Variants in PLEKHA5 observed in about 807,000 individuals in gnomAD.
PLEKHA5 encodes the protein pleckstrin homology domain-containing family A member 5.
PLEKHA5 carries 55 observed loss-of-function variants against 181.9 expected under a neutral mutation model. That is an observed-to-expected ratio of 0.30 (90% CI 0.24 to 0.38). PLEKHA5 has a LOEUF of 0.38. PLEKHA5 is among the 10% of genes least tolerant of loss of function. The pLI is 1.00. For missense variants in PLEKHA5, 1,432 were observed against 1,549.5 expected (o/e 0.92, Z 1.27); for synonymous variants, 535 against 529.4 (o/e 1.01, Z -0.15).
At chr12:19,354,191 G>C in intron 26 of PLEKHA5, among the ~76,000 whole-genome samples, 189 bp downstream of exon 26, 1 of 105,208 alleles carries the variant, frequency 9.5e-6, no homozygotes, top group South Asian at 3.3e-4. Context: ...TCGCTCTGTC[G>C]CCCAGGCTGG....
intron 7 of PLEKHA5, among the ~76,000 whole-genome samples, chr12:19,264,714 G>A (rs2069717309): frequency 1.3e-5 from 2 of 152,072 alleles, no homozygotes; most frequent in African/African-American, 2.4e-5. Flanking sequence ...CCTTCTGGAT[G>A]TTTCACCAGA....
At chr12:19,161,372 C>A (rs553764750) in intron 3 of PLEKHA5, among the ~76,000 whole-genome samples, 1 of 152,254 alleles carries the variant, frequency 6.6e-6, no homozygotes, top group African/African-American at 2.4e-5. Flanking sequence ...CATAAAACTT[C>A]TATCTGAATT....
chr12:19,339,562 A>G (rs539597996), intron 21 of PLEKHA5, among the ~76,000 whole-genome samples: 4 of 152,214 alleles, frequency 2.6e-5, no homozygotes, highest in Non-Finnish European at 5.9e-5. Context: ...ACATTATCAC[A>G]ATGAAAATTC....
At chr12:19,373,827 A>T (rs1307684208) in intron 31 of PLEKHA5, among the ~76,000 whole-genome samples, 1 of 152,234 alleles carries the variant, frequency 6.6e-6, no homozygotes. Flanking sequence ...TAATATTTTG[A>T]TTCAATAAAC....
intron 23 of PLEKHA5, among the ~76,000 whole-genome samples, chr12:19,346,765 G>T (rs2094353489): frequency 6.6e-6 from 1 of 152,122 alleles, no homozygotes; most frequent in South Asian, 2.1e-4. Flanking sequence ...TCAGTGTGAA[G>T]CTAACCTATA....
chr12:19,217,184 A>G (rs1479571097), intron 3 of PLEKHA5, among the ~76,000 whole-genome samples: 1 of 152,230 alleles, frequency 6.6e-6, no homozygotes, highest in Non-Finnish European at 1.5e-5. Flanking sequence ...TTTTTCAGTC[A>G]TGCAACAAAT....
chr12:19,137,408 G>T (rs558495010), intron 3 of PLEKHA5, among the ~76,000 whole-genome samples: 1 of 152,118 alleles, frequency 6.6e-6, no homozygotes, highest in Non-Finnish European at 1.5e-5. Context: ...CACTTTGTGG[G>T]CATTATATTT....
In PLEKHA5 at chr12:19,161,668, G is replaced by A. The variant is rs117720275; in HGVS notation, c.227+29218G>A. Among the ~76,000 whole-genome samples the A allele has an allele frequency of 5.3e-5, 8 of 152,200 alleles. No individual in the cohort carries two copies. In the East Asian group the frequency reaches 1.4e-3, roughly 26 times the overall value. ...ATTTTGCTCAAAGTAAAAACCAAAC[G>A]TCTATAGATTTAAAATAGGACTTTA... is the stretch of plus-strand genomic sequence containing the variant. On this transcript the variant is annotated intron_variant, in intron 3 of 31. Coordinates refer to ENST00000429027, the MANE Select transcript of PLEKHA5 (RefSeq NM_001256470.2).
intron 20 of PLEKHA5, among the ~76,000 whole-genome samples, chr12:19,336,021 T>TA (rs2093401795): frequency 6.6e-6 from 1 of 152,178 alleles, no homozygotes; most frequent in Non-Finnish European, 1.5e-5. Context: ...TTCTCTGTGA[T>TA]ATTATTGGTT....
chr12:19,328,028 T>A (rs940014574), intron 20 of PLEKHA5, among the ~76,000 whole-genome samples: 1 of 152,194 alleles, frequency 6.6e-6, no homozygotes, highest in Non-Finnish European at 1.5e-5. Flanking sequence ...AAGTAACGGG[T>A]CAGTTTCATT....
chr12:19,265,438 T>C (rs1190751123), intron 7 of PLEKHA5, among the ~76,000 whole-genome samples: 1 of 152,168 alleles, frequency 6.6e-6, no homozygotes, highest in African/African-American at 2.4e-5. Flanking sequence ...AGCCATGTAT[T>C]TGTCTGGGGA....
intron 3 of PLEKHA5, among the ~76,000 whole-genome samples, chr12:19,240,289 G>A (rs919571387): frequency 5.3e-5 from 8 of 152,216 alleles, no homozygotes; most frequent in South Asian, 2.1e-4. Flanking sequence ...TTATAATTTG[G>A]TTAACTTTCT....
intron 25 of PLEKHA5, among the ~76,000 whole-genome samples, chr12:19,350,955 C>CTTTTTTTT (rs35006570): frequency 8.9e-6 from 1 of 112,542 alleles, no homozygotes; most frequent in Non-Finnish European, 1.8e-5. Flanking sequence ...TATTCAAAGT[C>CTTTTTTTT]TTTTTTTTTT....
intron 3 of PLEKHA5, among the ~76,000 whole-genome samples, chr12:19,211,600 T>C (rs1334086417): frequency 6.6e-6 from 1 of 152,084 alleles, no homozygotes; most frequent in Non-Finnish European, 1.5e-5. Context: ...CCTCTAGAGC[T>C]GAAAGAAAAT....
chr12:19,162,653 A>G (rs923380613), intron 3 of PLEKHA5, among the ~76,000 whole-genome samples: 4 of 152,074 alleles, frequency 2.6e-5, no homozygotes, highest in Non-Finnish European at 4.4e-5. Context: ...AATGAACTTC[A>G]GCAACTTTAT....
intron 4 of PLEKHA5, among the ~76,000 whole-genome samples, chr12:19,254,249 A>G (rs2066222349): frequency 1.3e-5 from 2 of 152,190 alleles, no homozygotes; most frequent in Non-Finnish European, 2.9e-5. Flanking sequence ...CAAACGCAGT[A>G]AGCTCAAGAA....
At chr12:19,224,940 A>G (rs188555401) in intron 3 of PLEKHA5, among the ~76,000 whole-genome samples, 2 of 152,228 alleles carry the variant, frequency 1.3e-5, no homozygotes, top group East Asian at 1.9e-4. Flanking sequence ...GGTCAAGGCT[A>G]TAGTGTGCTA....
At chr12:19,286,130 G>A (rs921584758) in intron 12 of PLEKHA5, among the ~76,000 whole-genome samples, 10 of 152,238 alleles carry the variant, frequency 6.6e-5, no homozygotes, top group Middle Eastern at 6.8e-3. Context: ...ACAGCTTTCC[G>A]GTGCTTAAAG....
intron 15 of PLEKHA5, chr12:19,306,756 G>T: frequency 9.7e-7 from 1 of 1,026,750 alleles, no homozygotes. Flanking sequence ...ATTCACCTTT[G>T]CCAATCGCAA....
Sources: allele counts gnomAD v4.1 joint callset (sites outside exome capture counted in the v4.1 genomes callset), GRCh38; gene constraint gnomAD v4.1.1; transcripts MANE v1.5; gene names NCBI Gene and HGNC (gene_info 2026-07-23, HGNC 2026-07-21).